SLC35G2: variants seen among roughly 807,000 people sequenced by gnomAD.
The protein encoded by SLC35G2 is transmembrane protein 22.
In SLC35G2, 20 loss-of-function variants were observed where a neutral mutation model predicts 27.2. The ratio of observed to expected loss-of-function variants is 0.74; its 90% confidence interval spans 0.52 to 1.07. The LOEUF (loss-of-function observed/expected upper bound fraction) is 1.07, where lower values mean the gene tolerates loss of function less well. Ranked by LOEUF, SLC35G2 falls within the 50% of genes least tolerant of loss-of-function variation. SLC35G2 has a pLI of 0.00. For synonymous variants in SLC35G2, 148 were observed against 165.3 expected (o/e 0.90, Z 0.80); for missense variants, 416 against 493.3 (o/e 0.84, Z 1.48).
chr3:136,823,858 C>G (rs1936519040), intron 1 of SLC35G2, among the ~76,000 whole-genome samples: 1 of 151,942 alleles, frequency 6.6e-6, no homozygotes, highest in Non-Finnish European at 1.5e-5. Context: ...CCCACCTCAG[C>G]CTCCCAAAGT....
chr3:136,840,597 CTCTTTCTCT>C (rs1457766903), intron 1 of SLC35G2, among the ~76,000 whole-genome samples: 1 of 149,486 alleles, frequency 6.7e-6, no homozygotes, highest in African/African-American at 2.5e-5. Flanking sequence ...CTCCCTCCGT[CTCTTTCTCT>C]TCTTTCTCTC....
chr3:136,847,423 G>C (rs1937436899), intron 1 of SLC35G2, among the ~76,000 whole-genome samples: 1 of 152,084 alleles, frequency 6.6e-6, no homozygotes, highest in Admixed American at 6.5e-5. Context: ...AGAGAATTTT[G>C]GTGGCCTATT....
chr3:136,839,143 T>A (rs1479305623), intron 1 of SLC35G2: 1 of 150,936 alleles, frequency 6.6e-6, no homozygotes, highest in Non-Finnish European at 1.5e-5. Flanking sequence ...GAAGGAAAGT[T>A]AAGTGGTAGA....
intron 1 of SLC35G2, among the ~76,000 whole-genome samples, chr3:136,850,709 T>C (rs747602014): frequency 2.7e-4 from 41 of 151,752 alleles, no homozygotes; most frequent in Admixed American, 1.1e-3. Flanking sequence ...AAAAAAATAA[T>C]GCAGCTGGGC....
intron 1 of SLC35G2, among the ~76,000 whole-genome samples, chr3:136,829,019 CACTTTA>C (rs781258582): frequency 6.6e-4 from 101 of 152,276 alleles, no homozygotes; most frequent in Non-Finnish European, 4.1e-4. Flanking sequence ...AAAAACTCTA[CACTTTA>C]ACTTTATCTC....
chr3:136,847,515 A>C (rs553114102), intron 1 of SLC35G2, among the ~76,000 whole-genome samples: 1 of 152,296 alleles, frequency 6.6e-6, no homozygotes, highest in South Asian at 2.1e-4. Context: ...CAGAACCAGT[A>C]GGGGATTTAT....
At chr3:136,851,057 C>G (rs1487485642) in intron 1 of SLC35G2, among the ~76,000 whole-genome samples, 2 of 152,072 alleles carry the variant, frequency 1.3e-5, no homozygotes, top group African/African-American at 2.4e-5. Context: ...GTTGAGACAG[C>G]TAGGTTACAA....
chr3:136,849,999 G>A (rs1937574631), intron 1 of SLC35G2, among the ~76,000 whole-genome samples: 1 of 152,090 alleles, frequency 6.6e-6, no homozygotes, highest in African/African-American at 2.4e-5. Flanking sequence ...CCCAGCTACT[G>A]TGGAGGCTGA....
intron 1 of SLC35G2, among the ~76,000 whole-genome samples, chr3:136,850,380 G>A (rs1288213871): frequency 3.3e-5 from 5 of 152,030 alleles, no homozygotes; most frequent in African/African-American, 1.2e-4. Flanking sequence ...CTGTTACAAT[G>A]GGAGGAGTTT....
chr3:136,849,215 C>T (rs189780476), intron 1 of SLC35G2, among the ~76,000 whole-genome samples: 7 of 151,578 alleles, frequency 4.6e-5, no homozygotes, highest in Admixed American at 1.3e-4. Flanking sequence ...CACACACACA[C>T]GTAACGAATC....
At chr3:136,839,240 AG>A (rs1335304981) in intron 1 of SLC35G2, among the ~76,000 whole-genome samples, 1 of 152,192 alleles carries the variant, frequency 6.6e-6, no homozygotes, top group East Asian at 1.9e-4. Flanking sequence ...TTTCCTGGAA[AG>A]GAAGTGTCGA....
chr3:136,838,314 A>G (rs935170878), intron 1 of SLC35G2: 3 of 149,330 alleles, frequency 2.0e-5, no homozygotes, highest in African/African-American at 7.5e-5. Flanking sequence ...GTGCTTGTGC[A>G]TGCATGTTCT....
Position 136,819,419 on chromosome 3 carries a change from T to C in SLC35G2, c.-228T>C, listed in dbSNP as rs1404083658. On this transcript the variant is annotated 5_prime_UTR_variant, in exon 1 of 2. Coordinates refer to ENST00000446465, the MANE Select transcript of SLC35G2 (RefSeq NM_025246.3). ...GCCCGCTTTGCAGACTTCGGGGTGC[T>C]CTGCACGACGCCTGAAAGGCCGCGG... The C allele has an allele frequency of 1.3e-5, 2 of 152,374 alleles. No individual in the cohort carries two copies. Among genetic ancestry groups the C allele is most frequent in the Admixed American group, 1.3e-4 (2 of 15,292 alleles). 9.4% of individuals were successfully genotyped at this position (152,374 alleles called of 1,614,324 possible). A position where few individuals can be genotyped will look rare whatever the true frequency, so the allele number is the denominator to read the frequency against.
intron 1 of SLC35G2, among the ~76,000 whole-genome samples, chr3:136,820,993 CTT>C (rs1491231325): frequency 5.2e-5 from 4 of 77,484 alleles, no homozygotes; most frequent in African/African-American, 1.7e-4. Flanking sequence ...AATTTATAAT[CTT>C]AACATATGAC....
At chr3:136,820,793 C>T (rs1165285028) in intron 1 of SLC35G2, among the ~76,000 whole-genome samples, 1 of 152,120 alleles carries the variant, frequency 6.6e-6, no homozygotes, top group African/African-American at 2.4e-5. Context: ...GTTCCAAAGG[C>T]ACAGAGCCTG....
At chr3:136,851,339 T>C (rs1178287935) in intron 1 of SLC35G2, among the ~76,000 whole-genome samples, 1 of 150,680 alleles carries the variant, frequency 6.6e-6, no homozygotes, top group African/African-American at 2.4e-5. Flanking sequence ...CTAAAAAAAA[T>C]ACAAAAAATT....
chr3:136,825,762 T>G (rs1438967480), intron 1 of SLC35G2, among the ~76,000 whole-genome samples: 1 of 152,250 alleles, frequency 6.6e-6, no homozygotes, highest in African/African-American at 2.4e-5. Flanking sequence ...CACTTGGTCA[T>G]GATGAATGAC....
At chr3:136,830,203 G>A (rs1406033238) in intron 1 of SLC35G2, among the ~76,000 whole-genome samples, 1 of 146,712 alleles carries the variant, frequency 6.8e-6, no homozygotes, top group Non-Finnish European at 1.5e-5. Context: ...CCGCCTCCCA[G>A]GTTCAAGCGA....
intron 1 of SLC35G2, among the ~76,000 whole-genome samples, chr3:136,841,114 C>A (rs1937078889): frequency 1.3e-5 from 2 of 151,840 alleles, no homozygotes; most frequent in Admixed American, 6.6e-5. Context: ...CAGGCATGAA[C>A]CACCATGCCC....
Sources: gnomAD v4.1 joint callset for allele counts (sites outside exome capture counted in the v4.1 genomes callset) on GRCh38, gnomAD v4.1.1 for gene constraint, MANE v1.5 for transcripts, NCBI Gene and HGNC (gene_info 2026-07-23, HGNC 2026-07-21) for gene names.